Variants in CIAO3 observed in about 807,000 individuals in gnomAD.
CIAO3 encodes the protein cytosolic iron-sulfur assembly component 3, also known as LET1 like/JFP15.
In CIAO3, 45 loss-of-function variants were observed where a neutral mutation model predicts 51.5. The ratio of observed to expected loss-of-function variants is 0.87; its 90% confidence interval spans 0.69 to 1.12. The LOEUF (loss-of-function observed/expected upper bound fraction) is 1.12, where lower values mean the gene tolerates loss of function less well. Ranked by LOEUF, CIAO3 falls within the 50% of genes most tolerant of loss-of-function variation. The pLI is 0.00. For synonymous variants in CIAO3, 314 were observed against 269.3 expected (o/e 1.17, Z -1.63); for missense variants, 668 against 632.5 (o/e 1.06, Z -0.60).
intron 6 of CIAO3, chr16:733,984 CCTG>C (rs2041312326): frequency 2.0e-6 from 1 of 507,622 alleles, no homozygotes; most frequent in African/African-American, 1.9e-5. Context: ...CCCAGGGCCT[CCTG>C]CTCCCTCAGC....
In CIAO3 at chr16:730,912, T is replaced by A; in HGVS notation, c.1123A>T (p.Asn375Tyr). Reference sequence around the variant, plus strand: ...CCTCGTTTGAGCCTCTGCACCAGGTTCTGGATGTTGCGGAAGCCGTACGCC... The same window carrying A: ...CCTCGTTTGAGCCTCTGCACCAGGTACTGGATGTTGCGGAAGCCGTACGCC... ...AMAYGFRNIQ[N>Y]LVQRLKRGRC... is the part of the protein sequence containing the mutation. The change falls in exon 10 of 11, where the codon AAC becomes TAC. Residue 375 changes from asparagine (N) to tyrosine (Y), a missense_variant. Physicochemically the swap from Asn to Tyr is moderately radical, Grantham distance 143. Coordinates refer to ENST00000251588, the MANE Select transcript of CIAO3 (RefSeq NM_022493.3). 1.2e-6 allele frequency: 2 copies of A among 1,612,950 alleles called. No homozygotes were observed. The highest frequency in any genetic ancestry group is 1.7e-6 in the Non-Finnish European group (2 of 1,180,000).
Position 737,542 on chromosome 16 carries a change from C to T in CIAO3, c.163-213G>A. 1.3e-6 allele frequency: 2 copies of T among 1,509,464 alleles called. No individual in the cohort carries two copies. The highest frequency in any genetic ancestry group is 1.8e-6 in the Non-Finnish European group (2 of 1,130,496). The allele number at this position is 1,509,464 out of a possible 1,614,324, so 93.5% of individuals were successfully genotyped here. A position where few individuals can be genotyped will look rare whatever the true frequency, so the allele number is the denominator to read the frequency against. On this transcript the variant is annotated intron_variant, in intron 2 of 10. Coordinates refer to ENST00000251588, the MANE Select transcript of CIAO3 (RefSeq NM_022493.3). This position sits in a 1 kb window ranked among gnomAD's most constrained non-coding sequence, Gnocchi z 5.3. ...CCGTCAAGTCTGCTTCTTGGTACCA[C>T]TTGGTTAGTGCATCCGAATCACAGG...
chr16:733,537 G>C, intron 6 of CIAO3, 110 bp from the exon 7 acceptor site: 2 of 1,504,228 alleles, frequency 1.3e-6, no homozygotes, highest in Non-Finnish European at 9.0e-7. Flanking sequence ...GGGACAGTGA[G>C]CCTCACTCCA....
In CIAO3 at chr16:737,709, G is replaced by A. The variant is rs1470841725; in HGVS notation, c.163-380C>T. ...CGAAGGTGGGCTCTGAAAGGAGGAG[G>A]CGGGAAAGCTGAGGACAAAGGAGGA... On this transcript the variant is annotated intron_variant, in intron 2 of 10. Coordinates refer to ENST00000251588, the MANE Select transcript of CIAO3 (RefSeq NM_022493.3). This position sits in a 1 kb window ranked among gnomAD's most constrained non-coding sequence, Gnocchi z 5.3. The A allele has an allele frequency of 3.8e-6, 5 of 1,299,250 alleles. No individual in the cohort carries two copies. The highest frequency in any genetic ancestry group is 5.0e-6 in the Non-Finnish European group (5 of 995,590). 80.5% of individuals were successfully genotyped at this position (1,299,250 alleles called of 1,614,324 possible).
chr16:730,673 G>A lies in CIAO3; in HGVS notation c.1193-18C>T. ...CAGGCAGCCTATGGGAGAGCAGACG[G>A]GACAGGGGTCACAGCCTGCGCCCCA... On this transcript the variant is annotated intron_variant, in intron 10 of 10. Transcript: ENST00000251588. 3 of 1,603,260 alleles carry A rather than the reference G, an allele frequency of 1.9e-6. No homozygotes were observed. The highest frequency in any genetic ancestry group is 2.5e-6 in the Non-Finnish European group (3 of 1,177,058).
In CIAO3 at chr16:730,193, C is replaced by T. The variant is rs2041257399; in HGVS notation, c.*224G>A. The T allele has an allele frequency of 5.1e-6, 3 of 593,092 alleles. No individual in the cohort carries two copies. In the African/African-American group the frequency reaches 5.6e-5, roughly 11 times the overall value. The allele number at this position is 593,092 out of a possible 1,614,324, so 36.7% of individuals were successfully genotyped here. ...TGGGACCTCAGGGAACCTTCTGCTG[C>T]CTGGGCCACCCCACCCCACCTGGGC... On this transcript the variant is annotated 3_prime_UTR_variant, in exon 11 of 11. Coordinates refer to ENST00000251588, the MANE Select transcript of CIAO3 (RefSeq NM_022493.3).
intron 4 of CIAO3, among the ~76,000 whole-genome samples, chr16:735,874 G>A (rs1392782144): frequency 1.3e-5 from 2 of 152,190 alleles, no homozygotes; most frequent in South Asian, 2.1e-4. Context: ...AGGCACTGGA[G>A]CCTAGTTAGC....
At chr16:730,676 CAG>C (rs2041265915) in intron 10 of CIAO3, 21 bp from the exon 11 acceptor site, 1 of 1,602,066 alleles carries the variant, frequency 6.2e-7, no homozygotes. Context: ...GCAGACGGGA[CAG>C]GGGTCACAGC....
chr16:738,269 G>A (rs563138871), intron 2 of CIAO3: 73 of 987,154 alleles, frequency 7.4e-5, no homozygotes, highest in Non-Finnish European at 8.3e-5. Context: ...GCTGGAAATC[G>A]TCTCTTGGTG....
chr16:734,149 G>T, intron 6 of CIAO3, 80 bp downstream of exon 6: 1 of 1,257,938 alleles, frequency 7.9e-7, no homozygotes, highest in Non-Finnish European at 1.2e-6. Context: ...TCTGTTTCCT[G>T]CAGCCTCATG....
In CIAO3 at chr16:730,183, C is replaced by T. The variant is rs1179675051; in HGVS notation, c.*234G>A. ...GAACAGGCTCTGGGACCTCAGGGAA[C>T]CTTCTGCTGCCTGGGCCACCCCACC... is the stretch of plus-strand genomic sequence containing the variant. On this transcript the variant is annotated 3_prime_UTR_variant, in exon 11 of 11. Transcript: ENST00000251588. The T allele has an allele frequency of 1.7e-6, 1 of 587,190 alleles. No homozygotes were observed. Among genetic ancestry groups the T allele is most frequent in the East Asian group, 2.8e-5 (1 of 35,322 alleles). The allele number at this position is 587,190 out of a possible 1,614,324, so 36.4% of individuals were successfully genotyped here.
chr16:739,820 C>T, intron 1 of CIAO3, 82 bp from the exon 2 acceptor site: 2 of 1,419,080 alleles, frequency 1.4e-6, no homozygotes, highest in East Asian at 2.3e-5. Flanking sequence ...GATGGCTGCC[C>T]AGCCGCACAG....
At position 736,268 on chromosome 16, in the gene CIAO3, A is replaced by T. The variant is rs146262496; in HGVS notation, c.437T>A (p.Ile146Lys). Reference protein sequence around the residue: ...ARKLTSFFKKIGVHFVFDTAF... With the variant: ...ARKLTSFFKKKGVHFVFDTAF... ...GTTACCCCAGGTTCAAAGCCTACCT[A>T]TTTTTTTAAAGAATGAGGTTAATTT... Residue 146 changes from isoleucine to lysine, a missense_variant and splice_region_variant, in exon 4 of 11, where the codon ATA (isoleucine) becomes AAA (lysine). Transcript: ENST00000251588. 7 of 1,612,428 alleles carry T rather than the reference A, an allele frequency of 4.3e-6. No homozygotes were observed. In the African/African-American group the frequency reaches 8.0e-5, roughly 18 times the overall value.
intron 7 of CIAO3, chr16:733,027 G>A (rs192755646): frequency 3.3e-4 from 150 of 451,692 alleles, no homozygotes; most frequent in Non-Finnish European, 5.2e-4. Context: ...GGCTGCATTC[G>A]AGAATCTCTG....
At chr16:734,199 C>A in intron 6 of CIAO3, 30 bp downstream of exon 6, 1 of 1,596,682 alleles carries the variant, frequency 6.3e-7, no homozygotes, top group South Asian at 1.1e-5. Flanking sequence ...GCTCCCCAGC[C>A]TGAGTCTGGG....
chr16:736,075 C>CT (rs1378251509), intron 4 of CIAO3, among the ~76,000 whole-genome samples, 191 bp downstream of exon 4: 1 of 152,130 alleles, frequency 6.6e-6, no homozygotes, highest in African/African-American at 2.4e-5. Context: ...CAGACGTGTT[C>CT]TGTGAGAAGG....
chr16:734,894 T>C, intron 4 of CIAO3, 23 bp from the exon 5 acceptor site: 1 of 1,530,912 alleles, frequency 6.5e-7, no homozygotes, highest in South Asian at 1.3e-5. Flanking sequence ...GGTGGGTGCC[T>C]GGTTAACCCC....
At position 729,827 on chromosome 16, in the gene CIAO3, T is replaced by C. The variant is rs1258634733; in HGVS notation, c.*590A>G. 1.3e-6 allele frequency: 1 copy of C among 767,508 alleles called. No individual in the cohort carries two copies. The highest frequency in any genetic ancestry group is 1.8e-5 in the South Asian group (1 of 54,686). The allele number at this position is 767,508 out of a possible 1,614,324, so 47.5% of individuals were successfully genotyped here. On this transcript the variant is annotated 3_prime_UTR_variant, in exon 11 of 11. Coordinates refer to ENST00000251588, the MANE Select transcript of CIAO3 (RefSeq NM_022493.3). ...GAGACAGGCCTGGTGGGGACCTGGC[T>C]GGGGGATGATGCAGCCCGCGATGGC...
chr16:735,920 C>A (rs2041332710), intron 4 of CIAO3, among the ~76,000 whole-genome samples: 1 of 152,210 alleles, frequency 6.6e-6, no homozygotes, highest in Non-Finnish European at 1.5e-5. Context: ...CTCCCCAAGC[C>A]CAGCTCCAGG....
Sources: gnomAD v4.1 joint callset for allele counts (sites outside exome capture counted in the v4.1 genomes callset) on GRCh38, gnomAD v4.1.1 for gene constraint, Gnocchi (gnomAD v3.1) non-coding constraint, MANE v1.5 for transcripts, NCBI Gene and HGNC (gene_info 2026-07-23, HGNC 2026-07-21) for gene names.